ADAM20: variants seen among roughly 807,000 people sequenced by gnomAD.
The protein encoded by ADAM20 is ADAM metallopeptidase domain 20, also known as disintegrin and metalloproteinase domain-containing protein 20.
For synonymous variants in ADAM20, 305 were observed against 310.2 expected (o/e 0.98, Z 0.18); for missense variants, 871 against 883.2 (o/e 0.99, Z 0.18).
chr14:70,569,407 T>C, the ADAM20 span, among the ~76,000 whole-genome samples: 1 of 152,080 alleles, frequency 6.6e-6, no homozygotes, highest in Non-Finnish European at 1.5e-5. Flanking sequence ...ATGACAGAAA[T>C]GAAACCTCAC....
At chr14:70,566,388 G>C in the ADAM20 span, among the ~76,000 whole-genome samples, 1 of 152,022 alleles carries the variant, frequency 6.6e-6, no homozygotes. Flanking sequence ...ATATGTTTAT[G>C]TAAGTCCCAT....
At chr14:70,562,240 G>C in the ADAM20 span, among the ~76,000 whole-genome samples, 1 of 152,216 alleles carries the variant, frequency 6.6e-6, no homozygotes. Context: ...AAGATTTAAT[G>C]ACTGCCCTAT....
intron 1 of ADAM20, among the ~76,000 whole-genome samples, chr14:70,531,498 G>T (rs1030512730): frequency 6.6e-6 from 1 of 152,090 alleles, no homozygotes; most frequent in Admixed American, 6.5e-5. Flanking sequence ...AGTATGGGAA[G>T]TCCTAGCCAG....
chr14:70,576,035 A>G, the ADAM20 span, among the ~76,000 whole-genome samples: 1 of 152,228 alleles, frequency 6.6e-6, no homozygotes, highest in African/African-American at 2.4e-5. Context: ...CAATTCTAAA[A>G]CTGCAAAAGA....
At chr14:70,559,621 G>A in the ADAM20 span, among the ~76,000 whole-genome samples, 1 of 152,164 alleles carries the variant, frequency 6.6e-6, no homozygotes, top group Admixed American at 6.6e-5. Flanking sequence ...GCTTTACAAG[G>A]TTGTACCCAA....
chr14:70,522,872 A>C lies in ADAM20; in HGVS notation c.1886T>G (p.Val629Gly), dbSNP rs1397964901. Residue 629 changes from valine to glycine, a missense_variant, in exon 2 of 2, where the codon GTT becomes GGT. By Grantham distance (109) the Val-to-Gly change is moderately radical (BLOSUM62 -3). Coordinates refer to ENST00000256389, the MANE Select transcript of ADAM20 (RefSeq NM_003814.5). Reference protein sequence around the residue: ...ICIRKKCASMVHLSQACQPKT... With the variant: ...ICIRKKCASMGHLSQACQPKT... Reference sequence around the variant, plus strand: ...AGGCTGACAGGCTTGTGACAGATGAACCATACTGGCACACTTCTTACGGAT... The same window carrying C: ...AGGCTGACAGGCTTGTGACAGATGACCCATACTGGCACACTTCTTACGGAT... The C allele has an allele frequency of 6.2e-7, 1 of 1,614,016 alleles. No individual in the cohort carries two copies.
At chr14:70,540,765 C>A in the ADAM20 span, among the ~76,000 whole-genome samples, 1 of 152,158 alleles carries the variant, frequency 6.6e-6, no homozygotes, top group Non-Finnish European at 1.5e-5. Flanking sequence ...CTATCATCAT[C>A]TTTAATATTA....
chr14:70,545,245 T>C, the ADAM20 span, among the ~76,000 whole-genome samples: 1 of 152,218 alleles, frequency 6.6e-6, no homozygotes, highest in Non-Finnish European at 1.5e-5. Flanking sequence ...CCGTTTTGAC[T>C]TCTTATTGCT....
the ADAM20 span, among the ~76,000 whole-genome samples, chr14:70,553,312 A>T: frequency 1.1e-5 from 1 of 88,596 alleles, no homozygotes. Context: ...AGTATAATAA[A>T]AAAAAAAAAA....
chr14:70,530,297 T>C (rs972371674), intron 1 of ADAM20, among the ~76,000 whole-genome samples: 5 of 152,178 alleles, frequency 3.3e-5, no homozygotes, highest in Non-Finnish European at 7.4e-5. Flanking sequence ...TCTTGTCCCA[T>C]TGGAAGGGGC....
the ADAM20 span, among the ~76,000 whole-genome samples, chr14:70,570,158 A>G: frequency 1.3e-5 from 2 of 152,178 alleles, no homozygotes; most frequent in Admixed American, 6.5e-5. Flanking sequence ...TGTTTAAAGG[A>G]AAGTTTATAC....
At chr14:70,573,435 G>T in the ADAM20 span, among the ~76,000 whole-genome samples, 13 of 152,320 alleles carry the variant, frequency 8.5e-5, no homozygotes, top group East Asian at 2.5e-3. Flanking sequence ...CCAAGGGTGG[G>T]GGACGAAGAT....
In ADAM20 at chr14:70,524,971, G is replaced by T. The variant is rs140900259; in HGVS notation, c.-176-38C>A. 605 of 1,492,760 alleles carry T rather than the reference G, an allele frequency of 4.1e-4. 2 individuals carry two copies. The African/African-American group carries it at 7.7e-3, about 19-fold the overall frequency. 92.5% of individuals were successfully genotyped at this position (1,492,760 alleles called of 1,614,324 possible). A position where few individuals can be genotyped will look rare whatever the true frequency, so the allele number is the denominator to read the frequency against. On this transcript the variant is annotated intron_variant, in intron 1 of 1. Transcript: ENST00000256389. ...GGATGGGGTGGGTGGGATAGAAAGG[G>T]AGAAAGAGAGAGAGAAAAAAGGCAA...
rs573164838 is a variant in ADAM20, at chr14:70,523,693, C to G, written c.1065G>C (p.Gln355His). ...GHNLGMQHDT[Q>H]WCVCELQWCI... Reference sequence around the variant, plus strand: ...ACCACTGTAGCTCGCACACACACCACTGGGTGTCATGTTGCATACCCAAAT... The same window carrying G: ...ACCACTGTAGCTCGCACACACACCAGTGGGTGTCATGTTGCATACCCAAAT... The change falls in exon 2 of 2, where the codon CAG (glutamine) becomes CAC (histidine). Residue 355 changes from glutamine to histidine, a missense_variant. By Grantham distance (24) the Gln-to-His change is conservative. Transcript: ENST00000256389. 37 of 1,614,094 alleles carry G rather than the reference C, an allele frequency of 2.3e-5. No individual in the cohort carries two copies. The Middle Eastern group carries it at 5.0e-4, about 22-fold the overall frequency.
Position 70,523,643 on chromosome 14 carries a change from A to G in ADAM20, c.1115T>C (p.Val372Ala), listed in dbSNP as rs904925966. Residue 372 changes from valine (V) to alanine (A), a missense_variant, in exon 2 of 2, where the codon GTG (valine) becomes GCG (alanine). Transcript: ENST00000256389. ...QWCIMHAYRK[V>A]TTKFSNCSYA... The stretch of plus-strand genomic sequence containing the variant: ...ACTGCAGTTGCTAAATTTAGTTGTC[A>G]CCTTTCTATAGGCATGCATTATGCA... 4.3e-6 allele frequency: 7 copies of G among 1,613,936 alleles called. No homozygotes were observed. The African/African-American group carries it at 9.3e-5, about 22-fold the overall frequency.
At chr14:70,536,932 A>G (rs2139545841), upstream of ADAM20, among the ~76,000 whole-genome samples, 1 of 141,250 alleles carries the variant, frequency 7.1e-6, no homozygotes, top group East Asian at 2.2e-4. Context: ...CATAGGAGCA[A>G]GCACTCCTAA....
chr14:70,554,859 A>T, the ADAM20 span, among the ~76,000 whole-genome samples: 1 of 152,214 alleles, frequency 6.6e-6, no homozygotes, highest in Non-Finnish European at 1.5e-5. Context: ...AAACAGAGCA[A>T]GGAAGGAACG....
chr14:70,578,312 CT>C, the ADAM20 span, among the ~76,000 whole-genome samples: 1 of 152,020 alleles, frequency 6.6e-6, no homozygotes, highest in Non-Finnish European at 1.5e-5. Context: ...GAAATTGGGC[CT>C]CTAATACTCA....
upstream of ADAM20, among the ~76,000 whole-genome samples, chr14:70,539,508 G>T (rs1193940037): frequency 6.6e-6 from 1 of 152,190 alleles, no homozygotes; most frequent in Admixed American, 6.5e-5. Context: ...GGCTCTTCTA[G>T]GCCTCTTTAG....
Sources: gnomAD v4.1 joint callset for allele counts (sites outside exome capture counted in the v4.1 genomes callset) on GRCh38, gnomAD v4.1.1 for gene constraint, MANE v1.5 for transcripts, NCBI Gene and HGNC (gene_info 2026-07-23, HGNC 2026-07-21) for gene names.